Variants in STK3 observed in about 807,000 individuals in gnomAD.
STK3 encodes the protein serine/threonine-protein kinase 3.
STK3 carries 41 observed loss-of-function variants against 58.0 expected under a neutral mutation model. The observed-to-expected ratio is 0.71, with a 90% CI of 0.55 to 0.92. The LOEUF is 0.92. Ranked by LOEUF, STK3 falls within the 40% of genes least tolerant of loss-of-function variation. The pLI, the probability that STK3 is intolerant of heterozygous loss-of-function variation, is 0.00. For missense variants in STK3, 479 were observed against 602.7 expected (o/e 0.79, Z 2.15); for synonymous variants, 170 against 191.0 (o/e 0.89, Z 0.91).
intron 5 of STK3, 69 bp from the exon 6 acceptor site, chr8:98,706,703 C>T (rs978986769): frequency 1.8e-4 from 256 of 1,414,698 alleles, no homozygotes; most frequent in Non-Finnish European, 1.4e-4. Context: ...GCCAAACATA[C>T]TTTTAAAAAA....
chr8:98,578,643 T>C (rs1006548221), intron 8 of STK3, among the ~76,000 whole-genome samples: 4 of 152,234 alleles, frequency 2.6e-5, no homozygotes, highest in Non-Finnish European at 5.9e-5. Flanking sequence ...TCCATTTGTA[T>C]ACAGAAACTG....
chr8:98,534,754 G>A (rs1163834592), intron 9 of STK3, among the ~76,000 whole-genome samples: 1 of 151,960 alleles, frequency 6.6e-6, no homozygotes. Flanking sequence ...ATTGAAACTC[G>A]GTTCCCATGG....
chr8:98,583,058 G>A (rs576866560), intron 7 of STK3, among the ~76,000 whole-genome samples: 2 of 151,138 alleles, frequency 1.3e-5, no homozygotes, highest in Non-Finnish European at 1.5e-5. Context: ...TTGCTTTTTT[G>A]ATCATGTTAT....
At chr8:98,889,166 C>A (rs1276317430) in intron 1 of STK3, among the ~76,000 whole-genome samples, 1 of 152,204 alleles carries the variant, frequency 6.6e-6, no homozygotes, top group African/African-American at 2.4e-5. Context: ...GGGAACCATT[C>A]CTTTTCAGAC....
intron 6 of STK3, among the ~76,000 whole-genome samples, chr8:98,632,445 C>A (rs929349181): frequency 1.3e-5 from 2 of 152,124 alleles, no homozygotes; most frequent in African/African-American, 2.4e-5. Context: ...ACTCAGCTTC[C>A]CCAATTCCAG....
chr8:98,880,941 A>G (rs1837768001), downstream of STK3: 2 of 152,062 alleles, frequency 1.3e-5, no homozygotes, highest in Non-Finnish European at 2.9e-5. Flanking sequence ...AACTAAACAT[A>G]CTCTTAATTA....
At chr8:98,687,358 C>G (rs1824076697) in intron 6 of STK3, among the ~76,000 whole-genome samples, 1 of 152,216 alleles carries the variant, frequency 6.6e-6, no homozygotes, top group Non-Finnish European at 1.5e-5. Context: ...CAACCTAGAT[C>G]CCTTGCACGT....
chr8:98,818,630 T>A (rs1053658901), intron 1 of STK3, among the ~76,000 whole-genome samples: 1 of 152,108 alleles, frequency 6.6e-6, no homozygotes, highest in Non-Finnish European at 1.5e-5. Context: ...TACTAAGATG[T>A]CTGGTATTAT....
At chr8:98,706,363 T>C (rs1029922733) in intron 6 of STK3, 104 bp downstream of exon 6, 1 of 1,180,314 alleles carries the variant, frequency 8.5e-7, no homozygotes, top group Non-Finnish European at 1.1e-6. Context: ...TTAAAAAGAA[T>C]ACATTTAAAT....
At chr8:98,433,498 G>C (rs1389644257) in intron 3 of STK3, among the ~76,000 whole-genome samples, 1 of 152,156 alleles carries the variant, frequency 6.6e-6, no homozygotes, top group Admixed American at 6.5e-5. Flanking sequence ...GGCTGACTTG[G>C]TTCTGCTGGG....
At chr8:98,346,144 G>A in the STK3 span, among the ~76,000 whole-genome samples, 1 of 151,840 alleles carries the variant, frequency 6.6e-6, no homozygotes. Context: ...AATTAGCCAG[G>A]CATGATCTTG....
intron 9 of STK3, among the ~76,000 whole-genome samples, chr8:98,541,385 G>A (rs934937803): frequency 5.9e-5 from 9 of 152,022 alleles, no homozygotes; most frequent in Middle Eastern, 3.4e-3. Context: ...TCTTTCTCCC[G>A]TTCAGCCATG....
chr8:98,454,386 A>G (rs760430697), downstream of STK3, among the ~76,000 whole-genome samples: 4 of 152,312 alleles, frequency 2.6e-5, no homozygotes, highest in Middle Eastern at 3.4e-3. Flanking sequence ...TGTGGTGACC[A>G]CAGATATCTC....
intron 3 of STK3, among the ~76,000 whole-genome samples, chr8:98,847,727 G>T (rs1042316618): frequency 7.9e-5 from 12 of 151,308 alleles, no homozygotes; most frequent in African/African-American, 2.9e-4. Flanking sequence ...GTTTTTTTTT[G>T]TTTGTTTGTT....
chr8:98,793,813 A>G (rs148975483), intron 1 of STK3, among the ~76,000 whole-genome samples: 2 of 152,140 alleles, frequency 1.3e-5, no homozygotes, highest in East Asian at 3.9e-4. Flanking sequence ...TGTCTCAATT[A>G]ATTCAAAAAA....
chr8:98,503,847 G>T (rs974903640), intron 10 of STK3, among the ~76,000 whole-genome samples: 1 of 152,222 alleles, frequency 6.6e-6, no homozygotes, highest in Admixed American at 6.5e-5. Flanking sequence ...TGGAATAAGT[G>T]TGATGTGGTG....
chr8:98,514,179 G>C (rs1040770344), intron 10 of STK3, among the ~76,000 whole-genome samples: 2 of 152,040 alleles, frequency 1.3e-5, no homozygotes, highest in African/African-American at 4.8e-5. Context: ...AGGCCACTTA[G>C]GTGGTCTTCT....
intron 3 of STK3, chr8:98,427,829 C>T: frequency 1.6e-6 from 1 of 630,340 alleles, no homozygotes; most frequent in Non-Finnish European, 2.7e-6. Flanking sequence ...CCCAGCCCTT[C>T]AGCACCCAAG....
chr8:98,782,293 G>C (rs1443102099), intron 1 of STK3: 1 of 178,132 alleles, frequency 5.6e-6, no homozygotes, highest in Non-Finnish European at 1.2e-5. Flanking sequence ...AAAGGGTACA[G>C]CCAATACTCA....
Sources: gnomAD v4.1 joint callset for allele counts (sites outside exome capture counted in the v4.1 genomes callset) on GRCh38, gnomAD v4.1.1 for gene constraint, MANE v1.5 for transcripts, NCBI Gene and HGNC (gene_info 2026-07-23, HGNC 2026-07-21) for gene names.